The following RIMS2 variants were observed in gnomAD, a reference collection of about 807,000 sequenced individuals.
RIMS2 encodes regulating synaptic membrane exocytosis 2, also known as regulating synaptic membrane exocytosis protein 2.
RIMS2 carries 59 observed loss-of-function variants against 174.4 expected under a neutral mutation model. That is an observed-to-expected ratio of 0.34 (90% CI 0.27 to 0.42). The LOEUF (loss-of-function observed/expected upper bound fraction) is 0.42, where lower values mean the gene tolerates loss of function less well. Ranked by LOEUF, RIMS2 falls within the 10% of genes least tolerant of loss-of-function variation. The pLI is 1.00. For synonymous variants in RIMS2, 606 were observed against 572.5 expected (o/e 1.06, Z -0.84); for missense variants, 1,620 against 1,666.3 (o/e 0.97, Z 0.48).
At chr8:104,032,023 G>T (rs1383480601) in intron 19 of RIMS2, among the ~76,000 whole-genome samples, 10 of 151,918 alleles carry the variant, frequency 6.6e-5, no homozygotes, top group Admixed American at 5.9e-4. Flanking sequence ...GGGAAAAAAT[G>T]ACTAATTTAA....
intron 1 of RIMS2, among the ~76,000 whole-genome samples, chr8:103,623,906 C>T (rs1479262452): frequency 1.3e-5 from 2 of 151,668 alleles, no homozygotes; most frequent in Admixed American, 1.3e-4. Flanking sequence ...ACCTTCAGCA[C>T]AAGGGTACAA....
chr8:103,683,290 G>T (rs2136783127), intron 1 of RIMS2, among the ~76,000 whole-genome samples: 1 of 152,296 alleles, frequency 6.6e-6, no homozygotes, highest in East Asian at 1.9e-4. Context: ...ACGCGAGTGG[G>T]CAGGTGTGAA....
At chr8:103,604,211 A>C (rs1024581211) in intron 1 of RIMS2, among the ~76,000 whole-genome samples, 2 of 151,122 alleles carry the variant, frequency 1.3e-5, no homozygotes, top group Admixed American at 6.6e-5. Context: ...TCAGCTTTCT[A>C]CATATGGCTA....
intron 2 of RIMS2, among the ~76,000 whole-genome samples, chr8:103,714,288 A>G (rs1284770156): frequency 6.6e-6 from 1 of 152,218 alleles, no homozygotes; most frequent in East Asian, 1.9e-4. Flanking sequence ...GTAGCTCAGC[A>G]CTGTGATAAT....
At position 104,001,117 on chromosome 8, in the gene RIMS2, T is replaced by G. The variant is rs1044122699; in HGVS notation, c.3044+11696T>G. The stretch of plus-strand genomic sequence containing the variant: ...GCTTTGGTTGCCTGTGTTTTTGAGG[T>G]CTTACTCAAGAAATCTTTGCTAGAT... On this transcript the variant is annotated intron_variant, in intron 17 of 23. Coordinates refer to ENST00000504942, the Ensembl canonical transcript of RIMS2. 5.9e-5 allele frequency among the ~76,000 whole-genome samples: 9 copies of G among 151,952 alleles called. No individual in the cohort carries two copies. The East Asian group carries it at 1.5e-3, about 26-fold the overall frequency.
At chr8:103,973,205 C>G (rs965436954) in intron 15 of RIMS2, among the ~76,000 whole-genome samples, 1 of 152,196 alleles carries the variant, frequency 6.6e-6, no homozygotes, top group African/African-American at 2.4e-5. Flanking sequence ...GCACTGGAGT[C>G]AGAAGTATCT....
At chr8:104,150,273 A>C (rs2098678638) in intron 19 of RIMS2, among the ~76,000 whole-genome samples, 1 of 152,224 alleles carries the variant, frequency 6.6e-6, no homozygotes, top group Admixed American at 6.5e-5. Flanking sequence ...AATATATGAA[A>C]CTAAATAATT....
intron 19 of RIMS2, among the ~76,000 whole-genome samples, chr8:104,235,627 A>G (rs1002033286): frequency 2.0e-5 from 3 of 152,068 alleles, no homozygotes; most frequent in Non-Finnish European, 4.4e-5. Flanking sequence ...TATTGACTTT[A>G]TCTTTTCTCT....
At chr8:104,046,161 A>C (rs568929594) in intron 19 of RIMS2, among the ~76,000 whole-genome samples, 1 of 152,196 alleles carries the variant, frequency 6.6e-6, no homozygotes, top group Admixed American at 6.5e-5. Context: ...AAGTAAGATC[A>C]AGGCACCAAC....
chr8:103,676,520 A>C (rs2096815181), intron 1 of RIMS2, among the ~76,000 whole-genome samples: 1 of 152,096 alleles, frequency 6.6e-6, no homozygotes, highest in South Asian at 2.1e-4. Context: ...GCCAAAAGTT[A>C]AGCAGATTCA....
Position 103,710,808 on chromosome 8 carries a change from T to C in RIMS2, c.387+13512T>C, listed in dbSNP as rs534955734. 3.7e-4 allele frequency among the ~76,000 whole-genome samples: 56 copies of C among 152,280 alleles called. No homozygotes were observed. In the South Asian group the frequency reaches 9.3e-3, roughly 25 times the overall value. On this transcript the variant is annotated intron_variant, in intron 2 of 23. Coordinates refer to ENST00000504942, the Ensembl canonical transcript of RIMS2. The stretch of plus-strand genomic sequence containing the variant: ...CATAATGACATAATTTTATAATGGT[T>C]ATAAAGGAAAGTGATTTTTAAAAAT...
At chr8:103,587,792 C>G (rs972415283) in intron 1 of RIMS2, among the ~76,000 whole-genome samples, 1 of 152,086 alleles carries the variant, frequency 6.6e-6, no homozygotes, top group Admixed American at 6.6e-5. Flanking sequence ...GACAGACCCA[C>G]AGCTAATATA....
chr8:104,142,941 A>G (rs2098597844), intron 19 of RIMS2, among the ~76,000 whole-genome samples: 2 of 152,180 alleles, frequency 1.3e-5, no homozygotes, highest in Admixed American at 6.5e-5. Context: ...AATTTCTGTC[A>G]TCTCCAGAAG....
intron 2 of RIMS2, among the ~76,000 whole-genome samples, chr8:103,744,724 T>G (rs902908053): frequency 6.6e-6 from 1 of 152,202 alleles, no homozygotes; most frequent in South Asian, 2.1e-4. Flanking sequence ...GGCATGCCAA[T>G]GAGCTAATAT....
At chr8:103,852,125 T>C (rs1205590394) in intron 3 of RIMS2, among the ~76,000 whole-genome samples, 1 of 151,982 alleles carries the variant, frequency 6.6e-6, no homozygotes, top group Non-Finnish European at 1.5e-5. Flanking sequence ...AGTAGGATTG[T>C]GATTGCAACT....
intron 1 of RIMS2, among the ~76,000 whole-genome samples, chr8:103,551,602 C>A (rs888840081): frequency 2.0e-5 from 3 of 151,980 alleles, no homozygotes; most frequent in Non-Finnish European, 4.4e-5. Flanking sequence ...CTGGCCAGGG[C>A]AATCAGACAG....
chr8:104,188,220 CAGAT>C (rs71576001), intron 19 of RIMS2, among the ~76,000 whole-genome samples: 7,709 of 87,062 alleles, frequency 0.089, 273 homozygotes, highest in Non-Finnish European at 0.14. Context: ...ATGGTTTGTT[CAGAT>C]AGATAGATAG....
chr8:104,043,697 A>T (rs2096647207), intron 19 of RIMS2, among the ~76,000 whole-genome samples: 1 of 151,716 alleles, frequency 6.6e-6, no homozygotes, highest in Non-Finnish European at 1.5e-5. Flanking sequence ...TAATTATCTT[A>T]AGAATTTTCA....
At chr8:103,613,149 T>C (rs7004369) in intron 1 of RIMS2, among the ~76,000 whole-genome samples, 27,687 of 152,134 alleles carry the variant, frequency 0.18, 2,762 homozygotes, top group African/African-American at 0.26. Flanking sequence ...TCCCAGGCCC[T>C]GGTTGAGTCC....
Sources: gnomAD v4.1 joint callset for allele counts (sites outside exome capture counted in the v4.1 genomes callset) on GRCh38, gnomAD v4.1.1 for gene constraint, MANE v1.5 for transcripts, NCBI Gene and HGNC (gene_info 2026-07-23, HGNC 2026-07-21) for gene names.